Variants in RHOJ observed in about 807,000 individuals in gnomAD.
The protein encoded by RHOJ is ras homolog family member J.
In RHOJ, 11 loss-of-function variants were observed where a neutral mutation model predicts 23.4. The ratio of observed to expected loss-of-function variants is 0.47; its 90% confidence interval spans 0.30 to 0.78. The LOEUF is 0.78. RHOJ is among the 30% of genes least tolerant of loss of function. The probability of loss-of-function intolerance (pLI) is 0.08; values close to 1 mark genes in which losing one functional copy is unlikely to be tolerated. For synonymous variants in RHOJ, 102 were observed against 102.7 expected (o/e 0.99, Z 0.04); for missense variants, 254 against 273.4 (o/e 0.93, Z 0.50).
chr14:63,221,391 C>A (rs1027654832), intron 1 of RHOJ, among the ~76,000 whole-genome samples: 2 of 152,190 alleles, frequency 1.3e-5, no homozygotes, highest in African/African-American at 2.4e-5. Flanking sequence ...TCTAACAAGG[C>A]AAGCCTCTTT....
intron 1 of RHOJ, among the ~76,000 whole-genome samples, chr14:63,230,603 A>AT (rs889173758): frequency 6.6e-6 from 1 of 151,982 alleles, no homozygotes; most frequent in African/African-American, 2.4e-5. Context: ...TTCCCTAATC[A>AT]TGCTGTATAA....
intron 1 of RHOJ, among the ~76,000 whole-genome samples, chr14:63,213,367 T>C (rs896228344): frequency 6.6e-6 from 1 of 152,220 alleles, no homozygotes; most frequent in Non-Finnish European, 1.5e-5. Context: ...CTCCCACTTA[T>C]AAGTGAGAAC....
chr14:63,232,723 G>A (rs1318143159), intron 1 of RHOJ, among the ~76,000 whole-genome samples: 1 of 140,494 alleles, frequency 7.1e-6, no homozygotes, highest in Non-Finnish European at 1.5e-5. Context: ...TTGAGACAGG[G>A]TCTCACTCTG....
In RHOJ at chr14:63,245,552, G is replaced by A. The variant is rs1049205391; in HGVS notation, c.179-23558G>A. Among the ~76,000 whole-genome samples, 6 of 152,236 alleles carry A rather than the reference G, an allele frequency of 3.9e-5. No individual in the cohort carries two copies. The East Asian group carries it at 1.2e-3, about 29-fold the overall frequency. ...TGACTGTAATCCTAGCTACCTGGCAGGGGGCTGAGGAGGGAGGATCACTTA... is the reference window on the plus strand; with the variant it reads ...TGACTGTAATCCTAGCTACCTGGCAAGGGGCTGAGGAGGGAGGATCACTTA... On this transcript the variant is annotated intron_variant, in intron 1 of 4. Transcript: ENST00000316754.
chr14:63,267,968 C>T (rs1190332795), intron 1 of RHOJ, among the ~76,000 whole-genome samples: 1 of 152,164 alleles, frequency 6.6e-6, no homozygotes, highest in African/African-American at 2.4e-5. Flanking sequence ...ACATGTAGCC[C>T]ATGAACCTGA....
intron 1 of RHOJ, among the ~76,000 whole-genome samples, chr14:63,205,404 CA>C (rs541277453): frequency 6.0e-5 from 9 of 149,622 alleles, no homozygotes; most frequent in South Asian, 2.1e-4. Context: ...TCTTTTCTGC[CA>C]AAAAAAAAGA....
chr14:63,241,593 AG>A (rs1172825043), intron 1 of RHOJ, among the ~76,000 whole-genome samples: 1 of 152,148 alleles, frequency 6.6e-6, no homozygotes, highest in African/African-American at 2.4e-5. Context: ...TGCAGATGAC[AG>A]GAACATCAAT....
intron 1 of RHOJ, among the ~76,000 whole-genome samples, chr14:63,261,664 C>T (rs1895275226): frequency 6.6e-6 from 1 of 151,466 alleles, no homozygotes. Flanking sequence ...TGGTCTCAAA[C>T]TCTTGAGCTT....
At chr14:63,228,279 A>G (rs1022201334) in intron 1 of RHOJ, among the ~76,000 whole-genome samples, 3 of 152,210 alleles carry the variant, frequency 2.0e-5, no homozygotes, top group Non-Finnish European at 4.4e-5. Context: ...GGGAATGTAA[A>G]CTGGAGAGCA....
At chr14:63,234,104 T>C (rs1894744475) in intron 1 of RHOJ, among the ~76,000 whole-genome samples, 2 of 152,264 alleles carry the variant, frequency 1.3e-5, no homozygotes, top group South Asian at 4.1e-4. Flanking sequence ...CTCTTGTACA[T>C]CTTTTAATAC....
chr14:63,281,355 C>A (rs1881894224), intron 3 of RHOJ, among the ~76,000 whole-genome samples: 1 of 151,780 alleles, frequency 6.6e-6, no homozygotes, highest in Admixed American at 6.6e-5. Context: ...ATATGGCCTT[C>A]AAAAATTAAT....
At chr14:63,237,837 A>T (rs913978948) in intron 1 of RHOJ, among the ~76,000 whole-genome samples, 8 of 152,302 alleles carry the variant, frequency 5.3e-5, no homozygotes, top group Middle Eastern at 3.4e-3. Context: ...TGGTCTTGTT[A>T]TCACAGCACA....
At position 63,292,623 on chromosome 14, in the gene RHOJ, T is replaced by C. The variant is rs1157830773; in HGVS notation, c.*1599T>C. The C allele has an allele frequency of 1.3e-5, 2 of 152,138 alleles. No homozygotes were observed. The highest frequency in any genetic ancestry group is 2.9e-5 in the Non-Finnish European group (2 of 68,032). 9.4% of individuals were successfully genotyped at this position (152,138 alleles called of 1,614,324 possible). A position where few individuals can be genotyped will look rare whatever the true frequency, so the allele number is the denominator to read the frequency against. ...CACTGTTGGAAAAAGCCAGCCTTTC[T>C]AATCTCTTCTGCTACTGGAATAAGC... On this transcript the variant is annotated 3_prime_UTR_variant, in exon 5 of 5. Coordinates refer to ENST00000316754, the MANE Select transcript of RHOJ (RefSeq NM_020663.5).
rs533908916 is a variant in RHOJ, at chr14:63,215,937, C to T, written c.178+10890C>T. The stretch of plus-strand genomic sequence containing the variant: ...ATGAATGAATGACATCCAAGAGTCT[C>T]AGTCTTAACCAGTGCACTACACTGA... On this transcript the variant is annotated intron_variant, in intron 1 of 4. Coordinates refer to ENST00000316754, the MANE Select transcript of RHOJ (RefSeq NM_020663.5). Among the ~76,000 whole-genome samples the T allele has an allele frequency of 7.2e-5, 11 of 152,264 alleles. No individual in the cohort carries two copies. The South Asian group carries it at 2.3e-3, about 32-fold the overall frequency.
chr14:63,254,832 T>C (rs539425368), intron 1 of RHOJ, among the ~76,000 whole-genome samples: 20 of 152,238 alleles, frequency 1.3e-4, no homozygotes, highest in African/African-American at 4.3e-4. Context: ...GAAGCACATC[T>C]TTAAAATTAT....
At chr14:63,283,841 T>C (rs547226358) in intron 4 of RHOJ, among the ~76,000 whole-genome samples, 2 of 152,302 alleles carry the variant, frequency 1.3e-5, no homozygotes, top group African/African-American at 4.8e-5. Context: ...GAGCTTAACA[T>C]GAAGAGTTAA....
intron 2 of RHOJ, among the ~76,000 whole-genome samples, chr14:63,272,068 G>T (rs571710867): frequency 6.6e-6 from 1 of 152,198 alleles, no homozygotes; most frequent in African/African-American, 2.4e-5. Context: ...CATTTTAAGA[G>T]ATCTCCAAAT....
chr14:63,206,197 GAAAATGTT>G (rs1307241954), intron 1 of RHOJ, among the ~76,000 whole-genome samples: 1 of 152,164 alleles, frequency 6.6e-6, no homozygotes, highest in African/African-American at 2.4e-5. Flanking sequence ...CATGATGTAT[GAAAATGTT>G]ACACAGCAGA....
chr14:63,264,011 T>G (rs1895320468), intron 1 of RHOJ, among the ~76,000 whole-genome samples: 1 of 151,998 alleles, frequency 6.6e-6, no homozygotes, highest in Non-Finnish European at 1.5e-5. Flanking sequence ...CAACTTTTAT[T>G]TTAGATTCAG....
Sources: allele counts gnomAD v4.1 joint callset (sites outside exome capture counted in the v4.1 genomes callset), GRCh38; gene constraint gnomAD v4.1.1; transcripts MANE v1.5; gene names NCBI Gene and HGNC (gene_info 2026-07-23, HGNC 2026-07-21).